Variants in PVT1 observed in about 807,000 individuals in gnomAD.
The protein encoded by PVT1 is CXCR4/PVT1 fusion.
intron 3 of PVT1, among the ~76,000 whole-genome samples, chr8:127,964,817 TTTA>T (rs1278614166): frequency 2.0e-5 from 3 of 151,868 alleles, no homozygotes; most frequent in Non-Finnish European, 2.9e-5. Flanking sequence ...TTTATTTAAT[TTTA>T]TTATTATTTT....
At chr8:128,020,252 C>G (rs572658700) in intron 4 of PVT1, among the ~76,000 whole-genome samples, 16 of 152,282 alleles carry the variant, frequency 1.1e-4, no homozygotes, top group Non-Finnish European at 1.8e-4. Flanking sequence ...GAATATGTTA[C>G]TTTATATGGC....
intron 2 of PVT1, among the ~76,000 whole-genome samples, chr8:127,869,969 A>T (rs1815334064): frequency 6.6e-6 from 1 of 151,848 alleles, no homozygotes; most frequent in African/African-American, 2.4e-5. Context: ...AGGCTTGGCT[A>T]TTTTTTGTAC....
At chr8:127,895,812 G>A (rs1040443552) in intron 3 of PVT1, among the ~76,000 whole-genome samples, 2 of 152,218 alleles carry the variant, frequency 1.3e-5, no homozygotes, top group Non-Finnish European at 2.9e-5. Flanking sequence ...GGTGACAAAT[G>A]TTTTCAGCTT....
chr8:127,914,460 G>A (rs1815955049), intron 3 of PVT1, among the ~76,000 whole-genome samples: 2 of 152,010 alleles, frequency 1.3e-5, no homozygotes, highest in Admixed American at 6.6e-5. Flanking sequence ...TCCACTCCTA[G>A]GTGTATATCC....
intron 2 of PVT1, among the ~76,000 whole-genome samples, chr8:127,817,313 T>A (rs1309462156): frequency 6.7e-6 from 1 of 149,398 alleles, no homozygotes; most frequent in Non-Finnish European, 1.5e-5. Context: ...TTAACATCTG[T>A]CTACCTCAGT....
At chr8:127,999,571 C>T (rs563202315) in intron 4 of PVT1, among the ~76,000 whole-genome samples, 2 of 152,228 alleles carry the variant, frequency 1.3e-5, no homozygotes, top group South Asian at 2.1e-4. Context: ...AAGCGATCCT[C>T]CTGCGTCAGC....
intron 3 of PVT1, among the ~76,000 whole-genome samples, chr8:127,892,977 T>G (rs1168243088): frequency 4.6e-5 from 7 of 152,184 alleles, no homozygotes; most frequent in Non-Finnish European, 1.0e-4. Flanking sequence ...AGCTCTGTTT[T>G]TTCCCCTTTT....
At chr8:127,867,187 G>T (rs947003650) in intron 2 of PVT1, among the ~76,000 whole-genome samples, 1 of 152,238 alleles carries the variant, frequency 6.6e-6, no homozygotes, top group Non-Finnish European at 1.5e-5. Flanking sequence ...GATACTGCCT[G>T]GGCATGTGTT....
chr8:127,902,126 C>T (rs957772906), intron 3 of PVT1, among the ~76,000 whole-genome samples: 5 of 152,136 alleles, frequency 3.3e-5, no homozygotes, highest in African/African-American at 1.2e-4. Flanking sequence ...CTCTGTTTGA[C>T]CTTAGAAATA....
rs536976264 is a variant in PVT1 at position 128,097,362 on chromosome 8, A to AAAAC, written n.1251+724_1251+727dup. On this transcript the variant is annotated intron_variant and non_coding_transcript_variant, in intron 6 of 10. Transcript: ENST00000651587. ...GGGCGACAGAGTGAGACTACTTCTCAAAACAAACAAACAAACAAAAACTAA... is the reference window on the plus strand; with the variant it reads ...GGGCGACAGAGTGAGACTACTTCTCAAAACAAACAAACAAACAAACAAAAACTAA... 5.4e-3 allele frequency among the ~76,000 whole-genome samples: 819 copies of AAAAC among 152,298 alleles called. 10 individuals are homozygous for AAAAC. Among genetic ancestry groups the AAAAC allele is most frequent in the Non-Finnish European group, 9.1e-3 (617 of 68,026 alleles).
intron 3 of PVT1, among the ~76,000 whole-genome samples, chr8:127,987,638 C>G (rs1193327740): frequency 6.6e-6 from 1 of 152,212 alleles, no homozygotes; most frequent in Non-Finnish European, 1.5e-5. Flanking sequence ...AGATGAGAAA[C>G]TGAGGCTCAG....
At chr8:127,967,168 G>A (rs765783299) in intron 3 of PVT1, among the ~76,000 whole-genome samples, 2 of 152,208 alleles carry the variant, frequency 1.3e-5, no homozygotes, top group African/African-American at 2.4e-5. Flanking sequence ...TGGTGAGAAT[G>A]GATGCATACC....
chr8:127,826,347 T>C (rs1814788594), intron 2 of PVT1, among the ~76,000 whole-genome samples: 1 of 152,130 alleles, frequency 6.6e-6, no homozygotes, highest in Admixed American at 6.6e-5. Context: ...TCCTGGTGAT[T>C]TCTCGTAAAA....
intron 3 of PVT1, among the ~76,000 whole-genome samples, chr8:127,899,720 T>C (rs1815734968): frequency 6.6e-6 from 1 of 152,162 alleles, no homozygotes; most frequent in African/African-American, 2.4e-5. Flanking sequence ...GGCCAGGCAG[T>C]GCTTGGCTGC....
intron 2 of PVT1, among the ~76,000 whole-genome samples, chr8:127,879,578 C>A (rs1320850348): frequency 5.9e-5 from 9 of 152,096 alleles, no homozygotes; most frequent in Non-Finnish European, 8.8e-5. Context: ...ACAAAGTCTC[C>A]GGAGGCAGTG....
intron 2 of PVT1, among the ~76,000 whole-genome samples, chr8:127,883,410 A>G (rs534006189): frequency 2.6e-5 from 4 of 152,150 alleles, no homozygotes; most frequent in East Asian, 1.9e-4. Flanking sequence ...TTTTCTTCCA[A>G]ATGTCTTCGG....
intron 4 of PVT1, among the ~76,000 whole-genome samples, chr8:128,013,761 T>C (rs891298950): frequency 6.6e-6 from 1 of 152,234 alleles, no homozygotes; most frequent in Non-Finnish European, 1.5e-5. Flanking sequence ...GGACTTACTG[T>C]GATTACTTAT....
chr8:127,803,125 C>CTTTCTTT (rs771997353), intron 2 of PVT1: 2 of 105,360 alleles, frequency 1.9e-5, no homozygotes, highest in Non-Finnish European at 3.6e-5. Context: ...TTCTTTCTTT[C>CTTTCTTT]TTTTTTTTTT....
At chr8:128,097,561 C>T (rs926984520) in intron 6 of PVT1, among the ~76,000 whole-genome samples, 7 of 152,108 alleles carry the variant, frequency 4.6e-5, no homozygotes, top group African/African-American at 1.4e-4. Context: ...GTGTGCCAGT[C>T]GCAGGATTAG....
Sources: allele counts gnomAD v4.1 joint callset (sites outside exome capture counted in the v4.1 genomes callset), GRCh38; gene constraint gnomAD v4.1.1; transcripts MANE v1.5; gene names NCBI Gene and HGNC (gene_info 2026-07-23, HGNC 2026-07-21).